EME1: variants seen among roughly 807,000 people sequenced by gnomAD.
EME1 encodes structure-specific endonuclease subunit EME1.
EME1 carries 61 observed loss-of-function variants against 59.1 expected under a neutral mutation model. The observed-to-expected ratio is 1.03, with a 90% CI of 0.84 to 1.28. EME1 has a LOEUF of 1.28. EME1 is among the 50% of genes most tolerant of loss of function. The probability of loss-of-function intolerance (pLI) is 0.00; values close to 1 mark genes in which losing one functional copy is unlikely to be tolerated. For synonymous variants in EME1, 230 were observed against 254.2 expected (o/e 0.90, Z 0.90); for missense variants, 635 against 682.6 (o/e 0.93, Z 0.78).
chr17:50,380,260 A>G, intron 7 of EME1, 52 bp from the exon 8 acceptor site: 1 of 1,525,118 alleles, frequency 6.6e-7, no homozygotes, highest in African/African-American at 1.4e-5. Flanking sequence ...TGAGGGGAAC[A>G]GGTGTAGAAG....
In EME1 at chr17:50,381,215, A is replaced by G; in HGVS notation, c.*276A>G. ...CCCCACTCCTACCCAGCCAGCCCTCAAAACACAAAGGAACAAAGACAGTCC... is the reference window on the plus strand; with the variant it reads ...CCCCACTCCTACCCAGCCAGCCCTCGAAACACAAAGGAACAAAGACAGTCC... On this transcript the variant is annotated 3_prime_UTR_variant, in exon 9 of 9. Transcript: ENST00000338165. The G allele has an allele frequency of 2.3e-6, 1 of 431,538 alleles. No individual in the cohort carries two copies. Among genetic ancestry groups the G allele is most frequent in the South Asian group, 3.4e-5 (1 of 29,540 alleles). The allele number at this position is 431,538 out of a possible 1,614,324, so 26.7% of individuals were successfully genotyped here. A position where few individuals can be genotyped will look rare whatever the true frequency, so the allele number is the denominator to read the frequency against.
At chr17:50,380,285 T>C (rs1400142547) in intron 7 of EME1, 27 bp from the exon 8 acceptor site, 1 of 1,573,082 alleles carries the variant, frequency 6.4e-7, no homozygotes, top group Non-Finnish European at 8.6e-7. Flanking sequence ...ATGAGCAACT[T>C]ACAGCTCTCC....
At chr17:50,376,337 GA>G in intron 3 of EME1, 144 bp downstream of exon 3, 1 of 1,313,722 alleles carries the variant, frequency 7.6e-7, no homozygotes, top group Non-Finnish European at 1.0e-6. Context: ...AAAGAAGATT[GA>G]ATAAAGGGAC....
At chr17:50,373,638 C>T (rs982580350) in intron 1 of EME1, among the ~76,000 whole-genome samples, 5 of 152,192 alleles carry the variant, frequency 3.3e-5, no homozygotes, top group Admixed American at 1.3e-4. Flanking sequence ...GAAACTGAGG[C>T]CTAGGCAGGT....
At position 50,378,619 on chromosome 17, in the gene EME1, C is replaced by G. The variant is rs755087179; in HGVS notation, c.928C>G (p.Pro310Ala). 8 of 1,613,804 alleles carry G rather than the reference C, an allele frequency of 5.0e-6. No individual in the cohort carries two copies. The highest frequency in any genetic ancestry group is 8.5e-7 in the Non-Finnish European group (1 of 1,179,986). The change falls in exon 4 of 9, where the codon CCA becomes GCA. Residue 310 changes from proline to alanine, a missense_variant. Coordinates refer to ENST00000338165, the MANE Select transcript of EME1 (RefSeq NM_152463.4). ...GGACAGAGAGGACTGGGTGGAGGAG[C>G]CAACAGTACTGGTGTTGCTCCGGGC... ...SEDREDWVEE[P>A]TVLVLLRAEA...
In EME1 at chr17:50,380,887, A is replaced by G; in HGVS notation, c.1661A>G (p.Tyr554Cys). 1 of 1,614,140 alleles carries G rather than the reference A, an allele frequency of 6.2e-7. No individual in the cohort carries two copies. The highest frequency in any genetic ancestry group is 8.5e-7 in the Non-Finnish European group (1 of 1,180,010). Residue 554 changes from tyrosine to cysteine, a missense_variant, in exon 9 of 9, where the codon TAC becomes TGC. Physicochemically the swap from Tyr to Cys is radical, Grantham distance 194 (BLOSUM62 -2). Transcript: ENST00000338165. ...GGACCAGAACTATCCAGGCGTATCT[A>G]CCTTCAGATGACCACTTTACAGCCA... ...RIGPELSRRIYLQMTTLQPHL... is the reference protein window; with the variant it reads ...RIGPELSRRICLQMTTLQPHL...
Position 50,375,217 on chromosome 17 carries a change from AAAG to A in EME1, c.13_15del (p.Lys5del). 6.2e-7 allele frequency: 1 copy of A among 1,613,928 alleles called. No homozygotes were observed. Among genetic ancestry groups the A allele is most frequent in the South Asian group, 1.1e-5 (1 of 91,024 alleles). ...TTTGATAGCACATACTGATGGCTCTAAAGAAGTCATCACCCTCACTGGATTCTG... is the reference window on the plus strand; with the variant it reads ...TTTGATAGCACATACTGATGGCTCTAAAGTCATCACCCTCACTGGATTCTG... On this transcript the variant is annotated inframe_deletion, in exon 2 of 9. Coordinates refer to ENST00000338165, the MANE Select transcript of EME1 (RefSeq NM_152463.4).
chr17:50,379,693 A>C (rs547952759), intron 7 of EME1, 126 bp downstream of exon 7: 2 of 798,636 alleles, frequency 2.5e-6, no homozygotes, highest in East Asian at 5.4e-5. Flanking sequence ...AGCTTGAGGC[A>C]GAAGGAGCTG....
chr17:50,378,511 C>T, intron 3 of EME1, 84 bp from the exon 4 acceptor site: 2 of 1,333,042 alleles, frequency 1.5e-6, no homozygotes, highest in Non-Finnish European at 2.2e-6. Flanking sequence ...TTAGTTCATT[C>T]ACCCAGAAGA....
At chr17:50,374,226 CTATTTT>C (rs925992297) in intron 1 of EME1, among the ~76,000 whole-genome samples, 13 of 152,162 alleles carry the variant, frequency 8.5e-5, no homozygotes, top group African/African-American at 2.6e-4. Flanking sequence ...AATTATATCT[CTATTTT>C]TATTTTTATT....
At chr17:50,378,947 AG>A (rs757909327) in intron 5 of EME1, 52 bp downstream of exon 5, 4 of 1,613,766 alleles carry the variant, frequency 2.5e-6, no homozygotes, top group Non-Finnish European at 2.5e-6. Flanking sequence ...TCTTGGGCCA[AG>A]GGGGGTGAGT....
chr17:50,380,169 A>T, intron 7 of EME1, 143 bp from the exon 8 acceptor site: 1 of 770,236 alleles, frequency 1.3e-6, no homozygotes. Context: ...GAGCACTCAA[A>T]TTGTCAAAGG....
Position 50,380,423 on chromosome 17 carries a change from T to G in EME1, c.1458T>G (p.Ile486Met). 6.2e-7 allele frequency: 1 copy of G among 1,614,196 alleles called. No homozygotes were observed. The highest frequency in any genetic ancestry group is 8.5e-7 in the Non-Finnish European group (1 of 1,180,008). ...TCGCACTAGTCTGGAGGAGACAGATTCAGCAGCTGAACCGAGTCAGCCTGG... is the reference window on the plus strand; with the variant it reads ...TCGCACTAGTCTGGAGGAGACAGATGCAGCAGCTGAACCGAGTCAGCCTGG... ...RGLALVWRRQ[I>M]QQLNRVSLEM... Residue 486 changes from isoleucine (I) to methionine (M), a missense_variant, in exon 8 of 9, where the codon ATT becomes ATG. Coordinates refer to ENST00000338165, the MANE Select transcript of EME1 (RefSeq NM_152463.4).
rs749866590 is a variant in EME1 at position 50,380,839 on chromosome 17, T to C, written c.1613T>C (p.Val538Ala). 6.2e-7 allele frequency: 1 copy of C among 1,614,146 alleles called. No individual in the cohort carries two copies. Among genetic ancestry groups the C allele is most frequent in the Non-Finnish European group, 8.5e-7 (1 of 1,180,024 alleles). Residue 538 changes from valine (V) to alanine (A), a missense_variant, in exon 9 of 9, where the codon GTG becomes GCG. Transcript: ENST00000338165. ...ADIQVRRGEG[V>A]TSTSRRIGPE... The stretch of plus-strand genomic sequence containing the variant: ...ATACAGGTGCGCCGTGGGGAAGGTG[T>C]GACATCCACTTCTCGCCGCATTGGA...
At position 50,378,625 on chromosome 17, in the gene EME1, GTA is replaced by G; in HGVS notation, c.935_936del (p.Val312AlafsTer37). On this transcript the variant is annotated frameshift_variant, in exon 4 of 9. Transcript: ENST00000338165. LOFTEE classifies it high-confidence loss of function. ...AGAGGACTGGGTGGAGGAGCCAACAGTACTGGTGTTGCTCCGGGCAGAGGCAT... is the reference window on the plus strand; with the variant it reads ...AGAGGACTGGGTGGAGGAGCCAACAGCTGGTGTTGCTCCGGGCAGAGGCAT... Reference protein sequence around the residue: ...DREDWVEEPTVLVLLRAEAFV... With the variant: ...DREDWVEEPTXLVLLRAEAFV... 6.2e-7 allele frequency: 1 copy of G among 1,614,112 alleles called. No homozygotes were observed. The highest frequency in any genetic ancestry group is 8.5e-7 in the Non-Finnish European group (1 of 1,180,008).
Position 50,376,171 on chromosome 17 carries a change from G to GTT in EME1, c.881_882insTT (p.Arg294SerfsTer2). On this transcript the variant is annotated frameshift_variant, in exon 3 of 9. Coordinates refer to ENST00000338165, the MANE Select transcript of EME1 (RefSeq NM_152463.4). LOFTEE classifies it high-confidence loss of function. ...GCTGTGCCTTGCAGTGTCACTTGGA[G>GTT]GAGAAGGGCTGGGCCGTCTGAGGTA... 3 of 1,613,716 alleles carry GTT rather than the reference G, an allele frequency of 1.9e-6. No homozygotes were observed. Among genetic ancestry groups the GTT allele is most frequent in the Non-Finnish European group, 2.5e-6 (3 of 1,180,002 alleles).
chr17:50,377,967 A>G (rs1377719247), intron 3 of EME1, among the ~76,000 whole-genome samples: 1 of 151,926 alleles, frequency 6.6e-6, no homozygotes, highest in Non-Finnish European at 1.5e-5. Flanking sequence ...CATGTTGGCC[A>G]GGCTGGTCTC....
chr17:50,381,071 CTTA>C lies in EME1; in HGVS notation c.*138_*140del, dbSNP rs1167133061. 13 of 997,030 alleles carry C rather than the reference CTTA, an allele frequency of 1.3e-5. No homozygotes were observed. Among genetic ancestry groups the C allele is most frequent in the Middle Eastern group, 2.4e-4 (1 of 4,084 alleles). 61.8% of individuals were successfully genotyped at this position (997,030 alleles called of 1,614,324 possible). ...AGGTGAGGCCCAGTCTTTCTTGGGT[CTTA>C]TTATTTGTGAAGGTCTCTCTGCCTG... is the stretch of plus-strand genomic sequence containing the variant. On this transcript the variant is annotated 3_prime_UTR_variant, in exon 9 of 9. Coordinates refer to ENST00000338165, the MANE Select transcript of EME1 (RefSeq NM_152463.4).
intron 1 of EME1, among the ~76,000 whole-genome samples, chr17:50,373,997 AGT>A (rs1913299912): frequency 1.3e-5 from 2 of 152,232 alleles, no homozygotes; most frequent in South Asian, 4.1e-4. Flanking sequence ...AAGGCCACAT[AGT>A]GTATGATTCT....
Sources: allele counts gnomAD v4.1 joint callset (sites outside exome capture counted in the v4.1 genomes callset), GRCh38; gene constraint gnomAD v4.1.1; transcripts MANE v1.5; gene names NCBI Gene and HGNC (gene_info 2026-07-23, HGNC 2026-07-21).